The following UBE2V2 variants were observed in gnomAD, a reference collection of about 807,000 sequenced individuals.
UBE2V2 encodes the protein ubiquitin-conjugating enzyme E2 variant 2.
Under a neutral mutation model 17.2 loss-of-function variants are expected in UBE2V2, and 9 were observed. The observed-to-expected ratio is 0.52, with a 90% confidence interval of 0.32 to 0.91. The LOEUF (loss-of-function observed/expected upper bound fraction) is 0.91, where lower values mean the gene tolerates loss of function less well. Among genes scored for constraint, UBE2V2 ranks in the 40% least tolerant of loss-of-function variants. UBE2V2 has a pLI of 0.04. For missense variants in UBE2V2, 133 were observed against 182.6 expected, an observed-to-expected ratio of 0.73 and a Z score of 1.56; for synonymous variants, 61 against 57.5, an observed-to-expected ratio of 1.06 and a Z score of -0.28.
At chr8:48,050,691 A>C (rs542656024) in intron 3 of UBE2V2, among the ~76,000 whole-genome samples, 1 of 150,822 alleles carries the variant, frequency 6.6e-6, no homozygotes, top group African/African-American at 2.4e-5. Flanking sequence ...TCCGTCTCAA[A>C]AAAAAAAAAA....
At chr8:48,022,555 G>A (rs562306820) in intron 1 of UBE2V2, among the ~76,000 whole-genome samples, 1 of 152,278 alleles carries the variant, frequency 6.6e-6, no homozygotes, top group South Asian at 2.1e-4. Flanking sequence ...CAGTATTAGT[G>A]TATTCTGAAG....
chr8:47,999,839 C>G, the UBE2V2 span, among the ~76,000 whole-genome samples: 1 of 152,142 alleles, frequency 6.6e-6, no homozygotes, highest in Non-Finnish European at 1.5e-5. Flanking sequence ...CCGAGCTCCC[C>G]GATTGAGCAA....
intron 1 of UBE2V2, among the ~76,000 whole-genome samples, chr8:48,035,487 G>A (rs2091416379): frequency 6.6e-6 from 1 of 151,980 alleles, no homozygotes; most frequent in African/African-American, 2.4e-5. Context: ...GAGGAGGGGT[G>A]TGCCTGGGCC....
intron 1 of UBE2V2, among the ~76,000 whole-genome samples, chr8:48,017,524 C>T (rs1238043792): frequency 6.6e-6 from 1 of 152,020 alleles, no homozygotes; most frequent in South Asian, 2.1e-4. Flanking sequence ...CAGGCATGTG[C>T]CACCATGCAC....
intron 2 of UBE2V2, among the ~76,000 whole-genome samples, chr8:48,049,080 A>G: frequency 6.6e-6 from 1 of 152,180 alleles, no homozygotes; most frequent in Non-Finnish European, 1.5e-5. Flanking sequence ...AGGCATGAAA[A>G]TAAGCCCTGG....
In UBE2V2 at chr8:48,061,668, T is replaced by A. The variant is rs904029004; in HGVS notation, c.*840T>A. 22 of 152,598 alleles carry A rather than the reference T, an allele frequency of 1.4e-4. No individual in the cohort carries two copies. The highest frequency in any genetic ancestry group is 5.3e-4 in the African/African-American group (22 of 41,460). 9.5% of individuals were successfully genotyped at this position (152,598 alleles called of 1,614,324 possible). A position where few individuals can be genotyped will look rare whatever the true frequency, so the allele number is the denominator to read the frequency against. On this transcript the variant is annotated 3_prime_UTR_variant, in exon 4 of 4. Transcript: ENST00000523111. Reference sequence around the variant, plus strand: ...GTAGCTTTTCATGTATACACACTTTTATTTACCCTATTTTGTGTACTTCTT... The same window carrying A: ...GTAGCTTTTCATGTATACACACTTTAATTTACCCTATTTTGTGTACTTCTT...
intron 1 of UBE2V2, among the ~76,000 whole-genome samples, chr8:48,028,995 C>T (rs1052629821): frequency 1.3e-5 from 2 of 151,940 alleles, no homozygotes; most frequent in Non-Finnish European, 2.9e-5. Flanking sequence ...TTTTCTACTT[C>T]ATTTAAATGC....
upstream of UBE2V2, among the ~76,000 whole-genome samples, chr8:48,008,043 T>A (rs1483220883): frequency 2.0e-5 from 3 of 152,092 alleles, no homozygotes; most frequent in Non-Finnish European, 4.4e-5. Context: ...TGCCTCAGCC[T>A]CCCAAATAGC....
At chr8:48,032,045 A>G in intron 1 of UBE2V2, among the ~76,000 whole-genome samples, 1 of 152,258 alleles carries the variant, frequency 6.6e-6, no homozygotes, top group South Asian at 2.1e-4. Flanking sequence ...GAGTGTTTAA[A>G]TTTTTTAAAA....
At chr8:48,001,548 G>A in the UBE2V2 span, among the ~76,000 whole-genome samples, 1 of 152,138 alleles carries the variant, frequency 6.6e-6, no homozygotes, top group African/African-American at 2.4e-5. Context: ...GCAGTGAGCT[G>A]TGATGGTGCC....
intron 1 of UBE2V2, chr8:48,035,132 T>G: frequency 5.2e-6 from 4 of 774,430 alleles, no homozygotes; most frequent in African/African-American, 2.0e-5. Context: ...TTTTTTTTTT[T>G]GGAGGTGGAG....
chr8:48,050,930 A>G (rs2091532718), intron 3 of UBE2V2, among the ~76,000 whole-genome samples: 1 of 152,076 alleles, frequency 6.6e-6, no homozygotes, highest in Non-Finnish European at 1.5e-5. Flanking sequence ...GTACTCCCCC[A>G]CTTCCTGTGG....
At chr8:48,058,524 A>G (rs894010434) in intron 3 of UBE2V2, among the ~76,000 whole-genome samples, 14 of 150,580 alleles carry the variant, frequency 9.3e-5, no homozygotes, top group South Asian at 2.1e-4. Context: ...GTAAGCCACA[A>G]TTGTGCCACT....
intron 1 of UBE2V2, among the ~76,000 whole-genome samples, chr8:48,015,895 G>GC (rs2091265258): frequency 7.6e-6 from 1 of 132,216 alleles, no homozygotes; most frequent in East Asian, 2.1e-4. Context: ...TGTCTGTGTG[G>GC]TTTTTTTTTT....
chr8:48,008,561 G>A (rs2091202692), intron 1 of UBE2V2, 91 bp downstream of exon 1: 2 of 1,476,580 alleles, frequency 1.4e-6, no homozygotes, highest in Admixed American at 2.6e-5. Context: ...GACCGTGCGG[G>A]AGAAGCCCGA....
chr8:48,044,282 T>C (rs1018886564), intron 2 of UBE2V2, among the ~76,000 whole-genome samples: 2 of 152,070 alleles, frequency 1.3e-5, no homozygotes, highest in Non-Finnish European at 2.9e-5. Context: ...CACCTCAGCC[T>C]CCTGAGGTGG....
intron 1 of UBE2V2, among the ~76,000 whole-genome samples, chr8:48,014,981 C>T (rs576772615): frequency 1.4e-5 from 2 of 145,786 alleles, no homozygotes; most frequent in South Asian, 2.2e-4. Flanking sequence ...ACCCGGGAGG[C>T]GGAGCTTGCA....
At chr8:48,047,446 A>G (rs917381226) in intron 2 of UBE2V2, among the ~76,000 whole-genome samples, 1 of 152,316 alleles carries the variant, frequency 6.6e-6, no homozygotes, top group East Asian at 1.9e-4. Flanking sequence ...TGAAATAATG[A>G]TTAGATAATA....
Position 48,040,695 on chromosome 8 carries a change from C to G in UBE2V2, c.17-2338C>G, listed in dbSNP as rs913716537. On this transcript the variant is annotated intron_variant, in intron 1 of 3. Coordinates refer to ENST00000523111, the MANE Select transcript of UBE2V2 (RefSeq NM_003350.3). ...TGTCTCCCGGGCAGGGGCTTGATCT[C>G]GGCTCACTTCAGCCTCCACCTCCTG... Among the ~76,000 whole-genome samples the G allele has an allele frequency of 3.3e-5, 5 of 152,116 alleles. No individual in the cohort carries two copies. In the East Asian group the frequency reaches 7.7e-4, roughly 24 times the overall value.
Sources: gnomAD v4.1 joint callset for allele counts (sites outside exome capture counted in the v4.1 genomes callset) on GRCh38, gnomAD v4.1.1 for gene constraint, MANE v1.5 for transcripts, NCBI Gene and HGNC (gene_info 2026-07-23, HGNC 2026-07-21) for gene names.